Variants in ZNF385D observed in about 807,000 individuals in gnomAD.
ZNF385D encodes the protein zinc finger protein 385D.
Under a neutral mutation model 35.8 loss-of-function variants are expected in ZNF385D, and 15 were observed. The ratio of observed to expected loss-of-function variants is 0.42; its 90% CI spans 0.28 to 0.64. ZNF385D has a LOEUF of 0.64. Among genes scored for constraint, ZNF385D ranks in the 30% least tolerant of loss-of-function variants. The pLI is 0.23. For synonymous variants in ZNF385D, 212 were observed against 186.8 expected (o/e 1.13, Z -1.10); for missense variants, 474 against 494.6 (o/e 0.96, Z 0.39).
chr3:22,083,578 T>C (rs1700873804), intron 3 of ZNF385D, among the ~76,000 whole-genome samples: 2 of 152,182 alleles, frequency 1.3e-5, no homozygotes, highest in African/African-American at 4.8e-5. Flanking sequence ...AATATGGGAC[T>C]ATGTGAAAAG....
chr3:21,869,806 T>C lies in ZNF385D; in HGVS notation c.326-204778A>G, dbSNP rs189066346. Among the ~76,000 whole-genome samples, 104 of 152,248 alleles carry C rather than the reference T, an allele frequency of 6.8e-4. 1 individual carries two copies. Among genetic ancestry groups the C allele is most frequent in the South Asian group, 1.5e-3 (7 of 4,822 alleles). On this transcript the variant is annotated intron_variant, in intron 3 of 5. Coordinates refer to the ZNF385D transcript ENST00000494108. ...AATTAAGCCTGGAGCCAATCTAAGATAGCATTTAAATAAGCTTCTTGCAAA... is the reference window on the plus strand; with the variant it reads ...AATTAAGCCTGGAGCCAATCTAAGACAGCATTTAAATAAGCTTCTTGCAAA...
chr3:22,069,674 A>T (rs551561313), intron 3 of ZNF385D, among the ~76,000 whole-genome samples: 3 of 152,318 alleles, frequency 2.0e-5, no homozygotes, highest in Admixed American at 6.5e-5. Flanking sequence ...ATTTTCCCTG[A>T]AAAGGATCAG....
intron 3 of ZNF385D, among the ~76,000 whole-genome samples, chr3:22,075,106 G>T (rs1031560602): frequency 6.6e-6 from 1 of 151,856 alleles, no homozygotes; most frequent in African/African-American, 2.4e-5. Context: ...TTGATTAGCT[G>T]GTATGGGATT....
chr3:22,205,671 T>C (rs1283577548), intron 2 of ZNF385D, among the ~76,000 whole-genome samples: 1 of 152,046 alleles, frequency 6.6e-6, no homozygotes, highest in Non-Finnish European at 1.5e-5. Context: ...GCAACAGTGT[T>C]AAGTTGTCAT....
At chr3:22,050,609 T>C (rs972440630) in intron 3 of ZNF385D, among the ~76,000 whole-genome samples, 2 of 152,186 alleles carry the variant, frequency 1.3e-5, no homozygotes, top group Non-Finnish European at 2.9e-5. Flanking sequence ...AGGTTTTAAT[T>C]TCTGACTAAA....
At chr3:21,871,270 G>A (rs942757772) in intron 3 of ZNF385D, among the ~76,000 whole-genome samples, 3 of 152,098 alleles carry the variant, frequency 2.0e-5, no homozygotes, top group Admixed American at 6.6e-5. Flanking sequence ...CTGCTCCAAT[G>A]TCACATTGTC....
intron 3 of ZNF385D, among the ~76,000 whole-genome samples, chr3:22,162,899 C>T (rs1004083892): frequency 6.6e-6 from 1 of 152,144 alleles, no homozygotes; most frequent in African/African-American, 2.4e-5. Flanking sequence ...TCCCAAGAAG[C>T]AGAGTCTAAG....
intron 2 of ZNF385D, among the ~76,000 whole-genome samples, chr3:22,313,548 T>G (rs1703709462): frequency 6.6e-6 from 1 of 151,840 alleles, no homozygotes; most frequent in South Asian, 2.1e-4. Context: ...AACATGTTTT[T>G]AAAAAAGATA....
intron 3 of ZNF385D, among the ~76,000 whole-genome samples, chr3:22,072,450 G>C (rs1700273237): frequency 6.6e-6 from 1 of 152,030 alleles, no homozygotes; most frequent in Non-Finnish European, 1.5e-5. Context: ...ATCTCATCAA[G>C]AATCACTAGA....
chr3:21,534,945 A>G (rs2062001749), intron 3 of ZNF385D, among the ~76,000 whole-genome samples: 1 of 152,136 alleles, frequency 6.6e-6, no homozygotes, highest in Non-Finnish European at 1.5e-5. Context: ...ACATAAGTAA[A>G]ACTGAGATCA....
intron 1 of ZNF385D, among the ~76,000 whole-genome samples, chr3:21,680,576 T>A (rs1410392615): frequency 2.6e-5 from 4 of 152,106 alleles, no homozygotes; most frequent in Non-Finnish European, 5.9e-5. Flanking sequence ...ACTAATAATA[T>A]CGGATATGAT....
intron 3 of ZNF385D, among the ~76,000 whole-genome samples, chr3:21,941,101 G>A (rs1701494167): frequency 6.6e-6 from 1 of 152,178 alleles, no homozygotes; most frequent in Admixed American, 6.5e-5. Flanking sequence ...CACCTACTTT[G>A]TATTCTGTAG....
At chr3:21,803,812 A>G (rs2072515230) in intron 3 of ZNF385D, among the ~76,000 whole-genome samples, 1 of 152,224 alleles carries the variant, frequency 6.6e-6, no homozygotes, top group Non-Finnish European at 1.5e-5. Flanking sequence ...TGTTCCAAGT[A>G]TCTTGGAAAG....
intron 3 of ZNF385D, among the ~76,000 whole-genome samples, chr3:21,821,062 T>G (rs960457069): frequency 1.3e-5 from 2 of 152,044 alleles, no homozygotes; most frequent in African/African-American, 2.4e-5. Context: ...GGTAAAAATA[T>G]TTTTTCAGGG....
chr3:21,669,739 C>G (rs2066505113), intron 1 of ZNF385D, among the ~76,000 whole-genome samples: 1 of 152,108 alleles, frequency 6.6e-6, no homozygotes, highest in African/African-American at 2.4e-5. Flanking sequence ...TTTTAATGAA[C>G]CGAAGAACTT....
chr3:21,810,339 T>TA (rs1357447595), intron 3 of ZNF385D, among the ~76,000 whole-genome samples: 4 of 108,028 alleles, frequency 3.7e-5, no homozygotes, highest in East Asian at 2.9e-4. Flanking sequence ...CACCATTACT[T>TA]AAAAAAAACT....
Position 21,491,717 on chromosome 3 carries a change from G to C in ZNF385D, c.439+19144C>G, listed in dbSNP as rs181093657. ...ACATGTTGCCAATGGTTGCTTTCATGCAAGTGTCAGAATTGAATAGTTATG... is the reference window on the plus strand; with the variant it reads ...ACATGTTGCCAATGGTTGCTTTCATCCAAGTGTCAGAATTGAATAGTTATG... On this transcript the variant is annotated intron_variant, in intron 4 of 7. Transcript: ENST00000281523. 5.3e-5 allele frequency among the ~76,000 whole-genome samples: 8 copies of C among 152,272 alleles called. No homozygotes were observed. In the East Asian group the frequency reaches 1.2e-3, roughly 22 times the overall value.
At position 22,326,068 on chromosome 3, in the gene ZNF385D, C is replaced by A. The variant is rs973994998; in HGVS notation, c.106+46382G>T. On this transcript the variant is annotated intron_variant, in intron 2 of 5. Transcript: ENST00000494108. Reference sequence around the variant, plus strand: ...TCCAATTCCCGAATGTTTTCCTTTCCCCTCTCTCTTCCACTTTTCCCTTCC... The same window carrying A: ...TCCAATTCCCGAATGTTTTCCTTTCACCTCTCTCTTCCACTTTTCCCTTCC... Among the ~76,000 whole-genome samples the A allele has an allele frequency of 2.6e-5, 4 of 152,148 alleles. No homozygotes were observed. The East Asian group carries it at 7.7e-4, about 29-fold the overall frequency.
chr3:21,905,086 G>T (rs1460461163), intron 3 of ZNF385D, among the ~76,000 whole-genome samples: 1 of 150,142 alleles, frequency 6.7e-6, no homozygotes, highest in South Asian at 2.1e-4. Flanking sequence ...GACTTTCAGG[G>T]AAATAATGAT....
Sources: gnomAD v4.1 joint callset for allele counts (sites outside exome capture counted in the v4.1 genomes callset) on GRCh38, gnomAD v4.1.1 for gene constraint, MANE v1.5 for transcripts, NCBI Gene and HGNC (gene_info 2026-07-23, HGNC 2026-07-21) for gene names.